RSBN1L: variants seen among roughly 807,000 people sequenced by gnomAD.
RSBN1L encodes the protein round spermatid basic protein 1 like.
In RSBN1L, 30 loss-of-function variants were observed where a neutral mutation model predicts 67.7. The ratio of observed to expected loss-of-function variants is 0.44; its 90% confidence interval spans 0.33 to 0.60. The LOEUF (loss-of-function observed/expected upper bound fraction) is 0.60, where lower values mean the gene tolerates loss of function less well. RSBN1L is among the 20% of genes least tolerant of loss of function. RSBN1L has a pLI of 0.02. For missense variants in RSBN1L, 992 were observed against 1,031.7 expected (o/e 0.96, Z 0.53); for synonymous variants, 433 against 387.0 (o/e 1.12, Z -1.39).
chr7:77,710,296 T>C (rs1790955643), intron 1 of RSBN1L, among the ~76,000 whole-genome samples: 1 of 152,206 alleles, frequency 6.6e-6, no homozygotes, highest in Non-Finnish European at 1.5e-5. Flanking sequence ...GCATGTCTAA[T>C]CATCTCACTT....
At chr7:77,726,596 G>A (rs923027297) in intron 1 of RSBN1L, among the ~76,000 whole-genome samples, 2 of 151,986 alleles carry the variant, frequency 1.3e-5, no homozygotes, top group African/African-American at 4.8e-5. Context: ...TCCTCAGCTC[G>A]TTTAGTATCC....
chr7:77,780,047 G>T lies in RSBN1L; in HGVS notation c.*879G>T, dbSNP rs1476148870. ...GGGTTTCATCATGTTGGCCAGGATGGTCTTGATCTCTTGACCTTGTGATCC... is the reference window on the plus strand; with the variant it reads ...GGGTTTCATCATGTTGGCCAGGATGTTCTTGATCTCTTGACCTTGTGATCC... On this transcript the variant is annotated 3_prime_UTR_variant, in exon 8 of 8. Transcript: ENST00000334955. The T allele has an allele frequency of 6.6e-6, 1 of 152,058 alleles. No individual in the cohort carries two copies. Among genetic ancestry groups the T allele is most frequent in the Non-Finnish European group, 1.5e-5 (1 of 68,074 alleles). The allele number at this position is 152,058 out of a possible 1,614,324, so 9.4% of individuals were successfully genotyped here. A position where few individuals can be genotyped will look rare whatever the true frequency, so the allele number is the denominator to read the frequency against.
intron 1 of RSBN1L, among the ~76,000 whole-genome samples, chr7:77,712,840 C>T (rs1450004150): frequency 6.6e-6 from 1 of 152,226 alleles, no homozygotes; most frequent in Non-Finnish European, 1.5e-5. Context: ...CGTTTATTCA[C>T]TTAAAACTTA....
At chr7:77,773,635 C>T (rs552629924) in intron 6 of RSBN1L, among the ~76,000 whole-genome samples, 22 of 152,186 alleles carry the variant, frequency 1.4e-4, no homozygotes, top group African/African-American at 4.1e-4. Flanking sequence ...TGGTGGCGCA[C>T]GCCTGTAGTC....
Position 77,760,741 on chromosome 7 carries a change from C to T in RSBN1L, c.1345-4754C>T, listed in dbSNP as rs968080770. 3.9e-5 allele frequency among the ~76,000 whole-genome samples: 6 copies of T among 152,128 alleles called. No homozygotes were observed. In the East Asian group the frequency reaches 9.6e-4, roughly 24 times the overall value. On this transcript the variant is annotated intron_variant, in intron 3 of 7. Coordinates refer to ENST00000334955, the MANE Select transcript of RSBN1L (RefSeq NM_198467.3). Reference sequence around the variant, plus strand: ...TCCGCCTCCTGGGTTCAAGCATTCTCGTGCCTCACTCAGCCTCCTGAGTAG... The same window carrying T: ...TCCGCCTCCTGGGTTCAAGCATTCTTGTGCCTCACTCAGCCTCCTGAGTAG...
In RSBN1L at chr7:77,778,863, A is replaced by G. The variant is rs370876060; in HGVS notation, c.2236A>G (p.Lys746Glu). Residue 746 changes from lysine (K) to glutamate (E), a missense_variant, in exon 8 of 8, where the codon AAA becomes GAA. This residue lies in a region of RSBN1L where 199 missense variants were observed against 167.7 expected (regional missense o/e 1.19). Coordinates refer to ENST00000334955, the MANE Select transcript of RSBN1L (RefSeq NM_198467.3). ...DSVFSDKLHS[K>E]YELQQIKHEP... ...TGTTTTTTCAGATAAACTTCATTCT[A>G]AATATGAATTACAGCAGATTAAACA... 6.2e-6 allele frequency: 10 copies of G among 1,613,884 alleles called. No homozygotes were observed. The African/African-American group carries it at 1.2e-4, about 19-fold the overall frequency.
intron 2 of RSBN1L, among the ~76,000 whole-genome samples, chr7:77,741,290 A>G (rs1306553876): frequency 3.3e-5 from 5 of 151,336 alleles, no homozygotes; most frequent in African/African-American, 1.2e-4. Context: ...CCTGGCCACC[A>G]TTTTACTTCT....
intron 5 of RSBN1L, among the ~76,000 whole-genome samples, chr7:77,770,680 C>A (rs1401304822): frequency 6.6e-6 from 1 of 151,360 alleles, no homozygotes. Context: ...GAACCTATCT[C>A]TTAAAAAAAA....
rs553467735 is a variant in RSBN1L, at chr7:77,723,824, C to T, written c.587-12586C>T. ...TGGAGCATGCCTGTAATCCCAGCTA[C>T]TCGGGTGGCCGAGGCAAGAGAACTG... is the stretch of plus-strand genomic sequence containing the variant. On this transcript the variant is annotated intron_variant, in intron 1 of 7. Coordinates refer to ENST00000334955, the MANE Select transcript of RSBN1L (RefSeq NM_198467.3). 2.6e-5 allele frequency among the ~76,000 whole-genome samples: 4 copies of T among 152,024 alleles called. No homozygotes were observed. In the East Asian group the frequency reaches 5.9e-4, roughly 22 times the overall value.
chr7:77,742,350 A>T (rs192623581), intron 2 of RSBN1L, among the ~76,000 whole-genome samples: 1 of 152,154 alleles, frequency 6.6e-6, no homozygotes, highest in Non-Finnish European at 1.5e-5. Context: ...TCCTTTCCCA[A>T]TGTTGTCACA....
rs554877591 is a variant in RSBN1L at position 77,731,116 on chromosome 7, T to G, written c.587-5294T>G. Among the ~76,000 whole-genome samples, 12 of 152,350 alleles carry G rather than the reference T, an allele frequency of 7.9e-5. No individual in the cohort carries two copies. In the South Asian group the frequency reaches 2.3e-3, roughly 29 times the overall value. On this transcript the variant is annotated intron_variant, in intron 1 of 7. Transcript: ENST00000334955. The stretch of plus-strand genomic sequence containing the variant: ...CATTTTTGTTTTTATTTGTGTTTCC[T>G]TGATGACATCAGGTGTGGAGTATCT...
chr7:77,759,704 CTG>C (rs979963493), intron 3 of RSBN1L: 4 of 152,114 alleles, frequency 2.6e-5, no homozygotes, highest in Admixed American at 1.3e-4. Flanking sequence ...CTAAAAATAT[CTG>C]TATCTCCATA....
At chr7:77,725,883 T>G (rs1297188660) in intron 1 of RSBN1L, among the ~76,000 whole-genome samples, 1 of 152,146 alleles carries the variant, frequency 6.6e-6, no homozygotes, top group African/African-American at 2.4e-5. Context: ...TGCGCCTGGC[T>G]AAGATTATCT....
intron 1 of RSBN1L, among the ~76,000 whole-genome samples, chr7:77,707,871 A>G (rs1277042076): frequency 3.3e-5 from 5 of 152,216 alleles, no homozygotes; most frequent in Non-Finnish European, 7.3e-5. Flanking sequence ...GCTAAAATGT[A>G]TAGACCTGTA....
intron 1 of RSBN1L, among the ~76,000 whole-genome samples, chr7:77,734,491 CATT>C (rs1791307556): frequency 6.6e-6 from 1 of 151,186 alleles, no homozygotes; most frequent in Non-Finnish European, 1.5e-5. Context: ...CTTGGAGTAA[CATT>C]TTTTTTTTTT....
intron 4 of RSBN1L, among the ~76,000 whole-genome samples, 165 bp downstream of exon 4, chr7:77,765,797 A>AGG (rs1791758909): frequency 6.6e-6 from 1 of 152,216 alleles, no homozygotes; most frequent in African/African-American, 2.4e-5. Context: ...ACTGGAGGGA[A>AGG]GGAGAGCAAG....
chr7:77,701,259 G>A (rs1320766656), intron 1 of RSBN1L, among the ~76,000 whole-genome samples: 1 of 151,380 alleles, frequency 6.6e-6, no homozygotes, highest in African/African-American at 2.4e-5. Context: ...CTTTAGGCCT[G>A]CTGCATAGCT....
intron 1 of RSBN1L, among the ~76,000 whole-genome samples, chr7:77,712,585 G>T (rs181696323): frequency 6.6e-6 from 1 of 152,134 alleles, no homozygotes; most frequent in Non-Finnish European, 1.5e-5. Context: ...GGCCACATAT[G>T]TGATTTTTTA....
In RSBN1L at chr7:77,779,859, T is replaced by C. The variant is rs1205000403; in HGVS notation, c.*691T>C. 6.6e-6 allele frequency: 1 copy of C among 151,586 alleles called. No homozygotes were observed. Among genetic ancestry groups the C allele is most frequent in the Admixed American group, 6.6e-5 (1 of 15,202 alleles). 9.4% of individuals were successfully genotyped at this position (151,586 alleles called of 1,614,324 possible). On this transcript the variant is annotated 3_prime_UTR_variant, in exon 8 of 8. Coordinates refer to ENST00000334955, the MANE Select transcript of RSBN1L (RefSeq NM_198467.3). ...TTTTTCTTTTTTTTGATACGGAGTT[T>C]CATTCTGTCACCAGGCTGGAGTTCA... is the stretch of plus-strand genomic sequence containing the variant.
Sources: allele counts gnomAD v4.1 joint callset (sites outside exome capture counted in the v4.1 genomes callset), GRCh38; gene constraint gnomAD v4.1.1; regional missense constraint gnomAD v4.1.1; transcripts MANE v1.5; gene names NCBI Gene and HGNC (gene_info 2026-07-23, HGNC 2026-07-21).